Variants in STK4 observed in about 807,000 individuals in gnomAD.
STK4 encodes serine/threonine kinase 4.
Under a neutral mutation model 64.9 loss-of-function variants are expected in STK4, and 30 were observed. The observed-to-expected ratio is 0.46, with a 90% CI of 0.35 to 0.63. The LOEUF (loss-of-function observed/expected upper bound fraction) is 0.63. STK4 is among the 20% of genes least tolerant of loss of function. STK4 has a pLI of 0.01. For missense variants in STK4, 466 were observed against 598.5 expected (o/e 0.78, Z 2.31); for synonymous variants, 177 against 199.0 (o/e 0.89, Z 0.93).
At chr20:44,986,698 G>A (rs770691407) in intron 4 of STK4, among the ~76,000 whole-genome samples, 14 of 152,152 alleles carry the variant, frequency 9.2e-5, no homozygotes, top group Non-Finnish European at 1.8e-4. Flanking sequence ...ATTACAGAGG[G>A]TGTATTTGGA....
intron 10 of STK4, among the ~76,000 whole-genome samples, chr20:45,054,309 A>G (rs1978317025): frequency 1.3e-5 from 2 of 152,168 alleles, no homozygotes; most frequent in Non-Finnish European, 2.9e-5. Flanking sequence ...CACATCTGTA[A>G]TCCTAGCACT....
Position 44,976,398 on chromosome 20 carries a change from C to T in STK4, c.117-2045C>T, listed in dbSNP as rs78770958. Among the ~76,000 whole-genome samples, 464 of 152,246 alleles carry T rather than the reference C, an allele frequency of 3.0e-3. 2 individuals are homozygous for T. The highest frequency in any genetic ancestry group is 0.011 in the African/African-American group (440 of 41,542). ...AGTTTTTCATTCTTGAGGAAAGACA[C>T]GAGCCCTCAGATTGAAGAAGTTTAT... On this transcript the variant is annotated intron_variant, in intron 2 of 10. Transcript: ENST00000372806.
At chr20:45,031,237 A>G (rs2068437125) in intron 10 of STK4, among the ~76,000 whole-genome samples, 1 of 152,056 alleles carries the variant, frequency 6.6e-6, no homozygotes, top group African/African-American at 2.4e-5. Context: ...GAGAGACAGG[A>G]CATTCAGCTG....
At chr20:45,047,777 G>A (rs1313624462) in intron 10 of STK4, among the ~76,000 whole-genome samples, 1 of 152,128 alleles carries the variant, frequency 6.6e-6, no homozygotes, top group Admixed American at 6.6e-5. Flanking sequence ...TTAATATGTG[G>A]GTTCCTTTTA....
At chr20:44,988,543 A>G (rs745621179) in intron 5 of STK4, among the ~76,000 whole-genome samples, 20,776 of 128,312 alleles carry the variant, frequency 0.16, 2,093 homozygotes, top group East Asian at 0.21. Context: ...GTATATATAT[A>G]TATATATATA....
chr20:44,966,676 C>T (rs1391580880), intron 1 of STK4, 73 bp downstream of exon 1: 1 of 1,252,980 alleles, frequency 8.0e-7, no homozygotes, highest in Middle Eastern at 2.1e-4. Context: ...TGAGGGGATA[C>T]ACCTGTGTGG....
chr20:45,079,770 A>C lies in STK4; in HGVS notation c.*4594A>C, dbSNP rs1024525605. The C allele has an allele frequency of 6.6e-6, 1 of 152,668 alleles. No homozygotes were observed. Among genetic ancestry groups the C allele is most frequent in the Admixed American group, 6.5e-5 (1 of 15,288 alleles). 9.5% of individuals were successfully genotyped at this position (152,668 alleles called of 1,614,324 possible). The stretch of plus-strand genomic sequence containing the variant: ...ATGCTATTTTGTAAGGTTTGGATGT[A>C]AGTAATCAATTGAGGTCAGCAGTTT... On this transcript the variant is annotated 3_prime_UTR_variant, in exon 11 of 11. Transcript: ENST00000372806.
chr20:44,966,681 G>C, intron 1 of STK4, 78 bp downstream of exon 1: 3 of 1,245,636 alleles, frequency 2.4e-6, no homozygotes, highest in South Asian at 7.4e-5. Flanking sequence ...GGATACACCT[G>C]TGTGGGAGTC....
intron 9 of STK4, among the ~76,000 whole-genome samples, chr20:45,022,132 A>T (rs1276016543): frequency 6.6e-6 from 1 of 152,146 alleles, no homozygotes; most frequent in Non-Finnish European, 1.5e-5. Context: ...CTGTCTCCAA[A>T]ATCAACTTTA....
In STK4 at chr20:45,077,872, C is replaced by G. The variant is rs2145497497; in HGVS notation, c.*2696C>G. On this transcript the variant is annotated 3_prime_UTR_variant, in exon 11 of 11. Transcript: ENST00000372806. ...GAATGTGTGCACCCAGCTTGCTGAT[C>G]CAACAAAGTCTATTGCTTACCAGTC... 6.6e-6 allele frequency: 1 copy of G among 152,318 alleles called. No homozygotes were observed. The highest frequency in any genetic ancestry group is 6.5e-5 in the Admixed American group (1 of 15,308). The allele number at this position is 152,318 out of a possible 1,614,324, so 9.4% of individuals were successfully genotyped here.
chr20:45,064,109 A>AGG (rs369628862), intron 10 of STK4, among the ~76,000 whole-genome samples: 35 of 150,668 alleles, frequency 2.3e-4, no homozygotes, highest in East Asian at 9.8e-4. Flanking sequence ...CGCCCGGCCA[A>AGG]GGGGGGGGGT....
chr20:44,972,163 G>A lies in STK4; in HGVS notation c.116+5G>A. 6.2e-7 allele frequency: 1 copy of A among 1,613,062 alleles called. No individual in the cohort carries two copies. Among genetic ancestry groups the A allele is most frequent in the South Asian group, 1.1e-5 (1 of 90,856 alleles). On this transcript the variant is annotated splice_donor_5th_base_variant and intron_variant, in intron 2 of 10. Coordinates refer to ENST00000372806, the MANE Select transcript of STK4 (RefSeq NM_006282.5). ...CTTAGAGAAACTTGGAGAAGGGTGA[G>A]TGTAAAGAAACTATAGGTAGGTCAT...
chr20:45,015,463 T>A (rs1193270715), intron 9 of STK4, among the ~76,000 whole-genome samples: 1 of 152,236 alleles, frequency 6.6e-6, no homozygotes, highest in Non-Finnish European at 1.5e-5. Context: ...CAATTTCTGA[T>A]CCCTTCAGGA....
intron 10 of STK4, among the ~76,000 whole-genome samples, chr20:45,029,327 T>C (rs2068405893): frequency 6.6e-6 from 1 of 152,310 alleles, no homozygotes; most frequent in East Asian, 1.9e-4. Flanking sequence ...GCATTTGATA[T>C]TGGGACTCTT....
intron 10 of STK4, among the ~76,000 whole-genome samples, chr20:45,059,037 C>T (rs919299581): frequency 6.6e-6 from 1 of 152,142 alleles, no homozygotes; most frequent in Non-Finnish European, 1.5e-5. Flanking sequence ...GGAATATGTT[C>T]CAAGACCCCC....
chr20:45,059,858 T>C (rs1978842570), intron 10 of STK4, among the ~76,000 whole-genome samples: 1 of 152,152 alleles, frequency 6.6e-6, no homozygotes, highest in Non-Finnish European at 1.5e-5. Flanking sequence ...TATGCATGGA[T>C]CAATTTTGAG....
intron 10 of STK4, among the ~76,000 whole-genome samples, chr20:45,052,009 C>T (rs1462998299): frequency 2.0e-5 from 3 of 152,164 alleles, no homozygotes; most frequent in Non-Finnish European, 4.4e-5. Context: ...ATCCAAAATC[C>T]AAAACACTTC....
intron 9 of STK4, among the ~76,000 whole-genome samples, chr20:45,016,302 A>T (rs887224090): frequency 1.3e-4 from 20 of 152,204 alleles, no homozygotes; most frequent in Admixed American, 3.3e-4. Context: ...TCAGCCTCTT[A>T]TCTTAATACA....
intron 10 of STK4, among the ~76,000 whole-genome samples, chr20:45,064,057 C>G (rs1237065272): frequency 6.6e-6 from 1 of 151,368 alleles, no homozygotes; most frequent in Non-Finnish European, 1.5e-5. Context: ...ATCTGCCCAC[C>G]TCAGCCTCCC....
Sources: gnomAD v4.1 joint callset for allele counts (sites outside exome capture counted in the v4.1 genomes callset) on GRCh38, gnomAD v4.1.1 for gene constraint, MANE v1.5 for transcripts, NCBI Gene and HGNC (gene_info 2026-07-23, HGNC 2026-07-21) for gene names.